DOK5: variants seen among roughly 807,000 people sequenced by gnomAD.
DOK5 encodes the protein downstream of tyrosine kinase 5.
Under a neutral mutation model 43.3 loss-of-function variants are expected in DOK5, and 27 were observed. That is an observed-to-expected ratio of 0.62 (90% CI 0.46 to 0.86). The LOEUF is 0.86. Among genes scored for constraint, DOK5 ranks in the 40% least tolerant of loss-of-function variants. The pLI is 0.00. For synonymous variants in DOK5, 146 were observed against 140.1 expected (o/e 1.04, Z -0.30); for missense variants, 373 against 392.9 (o/e 0.95, Z 0.43).
At position 54,588,782 on chromosome 20, in the gene DOK5, A is replaced by G. The variant is rs775922103; in HGVS notation, c.385A>G (p.Thr129Ala). Residue 129 changes from threonine (T) to alanine (A), a missense_variant, in exon 4 of 8, where the codon ACT becomes GCT. Physicochemically the swap from Thr to Ala is moderately conservative, Grantham distance 58. Transcript: ENST00000262593. ...ISLGEPDLLA[T>A]GVEREQSERF... ...CCTTGGAGAGCCTGACTTACTGGCC[A>G]CTGGGGTTGAGAGAGAACAGAGTGG... The G allele has an allele frequency of 2.5e-6, 4 of 1,613,974 alleles. 1 individual carries two copies. The highest frequency in any genetic ancestry group is 3.3e-5 in the Admixed American group (2 of 60,002).
intron 5 of DOK5, among the ~76,000 whole-genome samples, chr20:54,604,714 A>G (rs1423044497): frequency 1.3e-5 from 2 of 152,070 alleles, no homozygotes; most frequent in Non-Finnish European, 1.5e-5. Flanking sequence ...TTAAATATAC[A>G]TGTTGGCCGG....
intron 5 of DOK5, among the ~76,000 whole-genome samples, chr20:54,603,321 C>T (rs955659426): frequency 2.6e-5 from 4 of 152,156 alleles, no homozygotes; most frequent in Non-Finnish European, 5.9e-5. Context: ...AGTACACACA[C>T]GGGGCACTAG....
intron 1 of DOK5, among the ~76,000 whole-genome samples, chr20:54,492,073 C>G (rs768352834): frequency 7.9e-5 from 12 of 151,722 alleles, no homozygotes; most frequent in Non-Finnish European, 5.9e-5. Flanking sequence ...TATATAAATT[C>G]ATATGTCATA....
intron 2 of DOK5, among the ~76,000 whole-genome samples, chr20:54,559,714 A>C (rs1226792682): frequency 6.6e-6 from 1 of 152,204 alleles, no homozygotes; most frequent in Admixed American, 6.5e-5. Flanking sequence ...ATTTGTTTTA[A>C]TCGTGTGTTC....
In DOK5 at chr20:54,476,331, G is replaced by T. The variant is rs1981423877; in HGVS notation, c.66+319G>T. On this transcript the variant is annotated intron_variant, in intron 1 of 7. Transcript: ENST00000262593. ...GAAGTTGGAGCTGAGAAGCCCGGGC[G>T]GGGGTGCCTGCCGGATGCCCCCGGT... is the stretch of plus-strand genomic sequence containing the variant. 6.3e-6 allele frequency: 4 copies of T among 634,158 alleles called. No homozygotes were observed. The South Asian group carries it at 2.8e-4, about 44-fold the overall frequency. 39.3% of individuals were successfully genotyped at this position (634,158 alleles called of 1,614,324 possible).
chr20:54,575,239 T>C (rs1241034568), intron 2 of DOK5, among the ~76,000 whole-genome samples: 1 of 152,070 alleles, frequency 6.6e-6, no homozygotes, highest in Non-Finnish European at 1.5e-5. Context: ...AGACTCAGAG[T>C]TACAAAGAAA....
chr20:54,577,734 T>C (rs2146755003), intron 2 of DOK5, among the ~76,000 whole-genome samples: 1 of 152,380 alleles, frequency 6.6e-6, no homozygotes, highest in Admixed American at 6.5e-5. Flanking sequence ...GTGAGTGTAC[T>C]GAATGCATCT....
At position 54,650,362 on chromosome 20, in the gene DOK5, A is replaced by G. The variant is rs1979640330; in HGVS notation, c.857-53A>G. Reference sequence around the variant, plus strand: ...GAGAAAGTTGTTGCCACCTAATTTGATTGTGGGCTTTCTTGAAATGTAACT... The same window carrying G: ...GAGAAAGTTGTTGCCACCTAATTTGGTTGTGGGCTTTCTTGAAATGTAACT... On this transcript the variant is annotated intron_variant, in intron 7 of 7. Transcript: ENST00000262593. 4 of 1,577,806 alleles carry G rather than the reference A, an allele frequency of 2.5e-6. No individual in the cohort carries two copies. In the Admixed American group the frequency reaches 6.8e-5, roughly 27 times the overall value.
At chr20:54,516,958 C>T (rs1047502291) in intron 1 of DOK5, among the ~76,000 whole-genome samples, 4 of 152,158 alleles carry the variant, frequency 2.6e-5, no homozygotes, top group Admixed American at 2.0e-4. Flanking sequence ...CAGAGTCCCT[C>T]GTGTTACCGA....
intron 1 of DOK5, among the ~76,000 whole-genome samples, chr20:54,505,242 G>T (rs946086257): frequency 6.6e-6 from 1 of 152,018 alleles, no homozygotes; most frequent in East Asian, 1.9e-4. Context: ...AGGCCAAAAT[G>T]CCCCTCTCTC....
chr20:54,480,154 G>C (rs1024062629), intron 1 of DOK5, among the ~76,000 whole-genome samples: 11 of 152,294 alleles, frequency 7.2e-5, no homozygotes, highest in African/African-American at 2.6e-4. Context: ...GAAGCTGTCA[G>C]AGGCGTGTGA....
intron 1 of DOK5, among the ~76,000 whole-genome samples, chr20:54,479,880 C>T (rs1981597768): frequency 6.6e-6 from 1 of 152,042 alleles, no homozygotes; most frequent in South Asian, 2.1e-4. Context: ...TCATTTCACT[C>T]TTCTCCCCTC....
chr20:54,612,356 G>A (rs73279039), intron 6 of DOK5, among the ~76,000 whole-genome samples: 1,732 of 152,264 alleles, frequency 0.011, 37 homozygotes, highest in African/African-American at 0.04. Context: ...GGCATGCTGA[G>A]GAGGCCTGGA....
At chr20:54,595,227 G>A (rs933164785) in intron 5 of DOK5, among the ~76,000 whole-genome samples, 1 of 152,150 alleles carries the variant, frequency 6.6e-6, no homozygotes, top group Non-Finnish European at 1.5e-5. Flanking sequence ...TGTGGTCCCA[G>A]CTACTCGGGA....
chr20:54,498,797 T>A (rs1339142026), intron 1 of DOK5, among the ~76,000 whole-genome samples: 1 of 152,196 alleles, frequency 6.6e-6, no homozygotes, highest in African/African-American at 2.4e-5. Flanking sequence ...TTTTGCAGAT[T>A]TTCACTCTTT....
chr20:54,558,626 A>G (rs138476743), intron 2 of DOK5, among the ~76,000 whole-genome samples: 2,904 of 152,314 alleles, frequency 0.019, 82 homozygotes, highest in African/African-American at 0.066. Context: ...CACCGTGACC[A>G]AATTTTAGAG....
intron 2 of DOK5, among the ~76,000 whole-genome samples, chr20:54,580,863 A>T (rs749241922): frequency 6.6e-6 from 1 of 152,044 alleles, no homozygotes; most frequent in Non-Finnish European, 1.5e-5. Flanking sequence ...TTTTCTATGT[A>T]TAAACTTTTT....
chr20:54,481,016 C>CATCTATA (rs1981670012), intron 1 of DOK5, among the ~76,000 whole-genome samples: 1 of 109,586 alleles, frequency 9.1e-6, no homozygotes. Context: ...TATCATCTAT[C>CATCTATA]TATCTATCAT....
chr20:54,501,232 C>G (rs1201853812), intron 1 of DOK5, among the ~76,000 whole-genome samples: 2 of 151,522 alleles, frequency 1.3e-5, no homozygotes, highest in Non-Finnish European at 2.9e-5. Context: ...CTTTGGGAGG[C>G]CAAGGCGGGT....
Sources: allele counts gnomAD v4.1 joint callset (sites outside exome capture counted in the v4.1 genomes callset), GRCh38; gene constraint gnomAD v4.1.1; transcripts MANE v1.5; gene names NCBI Gene and HGNC (gene_info 2026-07-23, HGNC 2026-07-21).